FAM81A: variants seen among roughly 807,000 people sequenced by gnomAD.
FAM81A encodes protein FAM81A.
A neutral mutation model predicts 46.7 loss-of-function variants in FAM81A; 19 were observed. That is an observed-to-expected ratio of 0.41 (90% confidence interval 0.28 to 0.60). The LOEUF (loss-of-function observed/expected upper bound fraction) is 0.60. FAM81A is among the 20% of genes least tolerant of loss of function. The pLI is 0.34. For synonymous variants in FAM81A, 183 were observed against 152.9 expected, an observed-to-expected ratio of 1.20 and a Z score of -1.45; for missense variants, 377 against 453.5, an observed-to-expected ratio of 0.83 and a Z score of 1.53.
intron 4 of FAM81A, among the ~76,000 whole-genome samples, chr15:59,505,735 C>T (rs1366250537): frequency 1.3e-5 from 2 of 152,132 alleles, no homozygotes; most frequent in Non-Finnish European, 1.5e-5. Context: ...AATCTAACTC[C>T]GAACCCTTCT....
Position 59,504,331 on chromosome 15 carries a change from C to T in FAM81A, c.414-2882C>T, listed in dbSNP as rs2082127374. ...CAAGTATCTAGTACAGTACCTAGTA[C>T]ATAGTAAATATTTCCTTATATTCAT... On this transcript the variant is annotated intron_variant, in intron 4 of 8. Coordinates refer to ENST00000288228, the MANE Select transcript of FAM81A (RefSeq NM_152450.3). 2.0e-5 allele frequency among the ~76,000 whole-genome samples: 3 copies of T among 152,188 alleles called. 1 individual carries two copies. The highest frequency in any genetic ancestry group is 2.0e-4 in the Admixed American group (3 of 15,272).
intron 2 of FAM81A, among the ~76,000 whole-genome samples, chr15:59,427,331 A>G (rs1238587584): frequency 4.0e-5 from 6 of 151,242 alleles, no homozygotes; most frequent in African/African-American, 1.5e-4. Flanking sequence ...GGCTGGTCTT[A>G]AACTCCTGAC....
chr15:59,433,621 T>TG (rs1200001201), upstream of FAM81A, among the ~76,000 whole-genome samples: 1 of 152,180 alleles, frequency 6.6e-6, no homozygotes, highest in Admixed American at 6.5e-5. Context: ...TCAAAACGTA[T>TG]GAAAAATCTA....
chr15:59,428,103 G>A (rs979766472), intron 2 of FAM81A, among the ~76,000 whole-genome samples: 1 of 152,114 alleles, frequency 6.6e-6, no homozygotes, highest in Non-Finnish European at 1.5e-5. Context: ...GTTTTAACTC[G>A]GGTGAGATGA....
intron 4 of FAM81A, among the ~76,000 whole-genome samples, chr15:59,506,013 A>C (rs765246824): frequency 1.3e-5 from 2 of 152,118 alleles, no homozygotes; most frequent in Non-Finnish European, 2.9e-5. Flanking sequence ...GCTACTCCTA[A>C]GTGGACTTAG....
At chr15:59,516,538 C>A in intron 7 of FAM81A, 107 bp from the exon 8 acceptor site, 2 of 1,121,900 alleles carry the variant, frequency 1.8e-6, no homozygotes, top group South Asian at 1.5e-5. Flanking sequence ...GCAGCTGTTG[C>A]AAATCTGTTT....
rs1489818419 is a variant in FAM81A at position 59,522,302 on chromosome 15, C to T, written c.*924C>T. 2.0e-5 allele frequency: 3 copies of T among 152,568 alleles called. No homozygotes were observed. Among genetic ancestry groups the T allele is most frequent in the African/African-American group, 4.8e-5 (2 of 41,424 alleles). 9.5% of individuals were successfully genotyped at this position (152,568 alleles called of 1,614,324 possible). On this transcript the variant is annotated 3_prime_UTR_variant, in exon 9 of 9. Transcript: ENST00000288228. ...TTTTTGTGCCTTGGTTTTATCATGT[C>T]AATGCACTGTACTCTGTAAAAGTTT...
chr15:59,433,148 A>G (rs2081228505), intron 2 of FAM81A, among the ~76,000 whole-genome samples: 1 of 78,874 alleles, frequency 1.3e-5, no homozygotes, highest in Non-Finnish European at 3.0e-5. Context: ...CTCAAAAAAA[A>G]AAAAAAAAAA....
At chr15:59,402,023 C>T in intron 1 of FAM81A, 1 of 601,850 alleles carries the variant, frequency 1.7e-6, no homozygotes, top group Admixed American at 2.8e-5. Flanking sequence ...CGCAGAGCTG[C>T]CAGGAGCAGC....
intron 2 of FAM81A, among the ~76,000 whole-genome samples, chr15:59,403,979 G>A (rs1369209961): frequency 6.6e-6 from 1 of 151,664 alleles, no homozygotes; most frequent in Admixed American, 6.6e-5. Context: ...TGCCTCCTGG[G>A]TTCAAGCGAT....
chr15:59,432,532 A>G (rs1423963958), intron 2 of FAM81A, among the ~76,000 whole-genome samples: 5 of 152,186 alleles, frequency 3.3e-5, no homozygotes, highest in Non-Finnish European at 7.4e-5. Flanking sequence ...TTATGCGGCA[A>G]TCTTGCACCT....
intron 1 of FAM81A, chr15:59,401,429 G>A (rs1266265417): frequency 2.5e-6 from 2 of 802,552 alleles, no homozygotes; most frequent in East Asian, 2.4e-5. Flanking sequence ...TAGGCAAAAG[G>A]TGACTTTCAG....
In FAM81A at chr15:59,472,746, C is replaced by A. The variant is rs140825033; in HGVS notation, c.294+12540C>A. The stretch of plus-strand genomic sequence containing the variant: ...TTTTATTTTTTGTAGAGACGGGAGT[C>A]TTGGTATGTTGTCCAATCATTTCCA... On this transcript the variant is annotated intron_variant, in intron 3 of 8. Transcript: ENST00000288228. 3.5e-3 allele frequency among the ~76,000 whole-genome samples: 525 copies of A among 152,052 alleles called. 5 individuals carry two copies. The highest frequency in any genetic ancestry group is 0.012 in the African/African-American group (501 of 41,466).
chr15:59,462,119 C>T (rs573109757), intron 3 of FAM81A, among the ~76,000 whole-genome samples: 57 of 150,964 alleles, frequency 3.8e-4, no homozygotes, highest in Middle Eastern at 6.8e-3. Flanking sequence ...AGGAGAATGG[C>T]GTGAACCTGG....
At chr15:59,491,469 A>C (rs960692062) in intron 3 of FAM81A, among the ~76,000 whole-genome samples, 2 of 152,200 alleles carry the variant, frequency 1.3e-5, no homozygotes, top group South Asian at 2.1e-4. Flanking sequence ...ATGGGCATTA[A>C]AAAATAGTTA....
intron 3 of FAM81A, among the ~76,000 whole-genome samples, chr15:59,483,065 T>A (rs370325954): frequency 6.6e-6 from 1 of 151,642 alleles, no homozygotes; most frequent in Non-Finnish European, 1.5e-5. Flanking sequence ...TTTGACGGAG[T>A]CTTGCTCTGT....
At chr15:59,461,039 T>C (rs1205936112) in intron 3 of FAM81A, among the ~76,000 whole-genome samples, 13 of 152,190 alleles carry the variant, frequency 8.5e-5, no homozygotes, top group African/African-American at 3.1e-4. Context: ...ATAATGTAAA[T>C]GTCACAAAAA....
chr15:59,453,916 A>G (rs2081450654), intron 1 of FAM81A, among the ~76,000 whole-genome samples: 2 of 152,146 alleles, frequency 1.3e-5, no homozygotes, highest in African/African-American at 4.8e-5. Context: ...TCTAGTCACC[A>G]GGGCCTTGGG....
intron 3 of FAM81A, among the ~76,000 whole-genome samples, chr15:59,462,212 A>C (rs1406141985): frequency 6.6e-6 from 1 of 152,030 alleles, no homozygotes; most frequent in Non-Finnish European, 1.5e-5. Flanking sequence ...CAAAAAAAAA[A>C]AAAAAAAACA....
Sources: allele counts gnomAD v4.1 joint callset (sites outside exome capture counted in the v4.1 genomes callset), GRCh38; gene constraint gnomAD v4.1.1; transcripts MANE v1.5; gene names NCBI Gene and HGNC (gene_info 2026-07-23, HGNC 2026-07-21).